The following BAZ1B variants were observed in gnomAD, a reference collection of about 807,000 sequenced individuals.
BAZ1B encodes the protein tyrosine-protein kinase BAZ1B.
BAZ1B carries 22 observed loss-of-function variants against 153.8 expected under a neutral mutation model. That is an observed-to-expected ratio of 0.14 (90% CI 0.10 to 0.20). The LOEUF (loss-of-function observed/expected upper bound fraction) is 0.20. Ranked by LOEUF, BAZ1B falls within the 10% of genes least tolerant of loss-of-function variation. The pLI is 1.00. For missense variants in BAZ1B, 1,325 were observed against 1,799.3 expected (o/e 0.74, Z 4.77); for synonymous variants, 676 against 633.4 (o/e 1.07, Z -1.01).
intron 5 of BAZ1B, among the ~76,000 whole-genome samples, chr7:73,491,740 A>C (rs962788523): frequency 6.6e-6 from 1 of 152,194 alleles, no homozygotes; most frequent in African/African-American, 2.4e-5. Flanking sequence ...ATAAAGAAGC[A>C]AAAGATTTGG....
chr7:73,452,342 G>C (rs148310059), intron 13 of BAZ1B, among the ~76,000 whole-genome samples: 25 of 152,118 alleles, frequency 1.6e-4, no homozygotes, highest in Non-Finnish European at 2.8e-4. Context: ...TCAGCTGACA[G>C]TTACCTGGGC....
intron 13 of BAZ1B, among the ~76,000 whole-genome samples, chr7:73,456,569 A>G (rs1554569555): frequency 6.6e-6 from 1 of 152,254 alleles, no homozygotes; most frequent in African/African-American, 2.4e-5. Context: ...ATAAATCATT[A>G]GAGAAAAACA....
chr7:73,488,750 A>C (rs1321746540), intron 6 of BAZ1B, among the ~76,000 whole-genome samples: 2 of 151,564 alleles, frequency 1.3e-5, no homozygotes, highest in Non-Finnish European at 2.9e-5. Flanking sequence ...CTTACTCTTC[A>C]AGAGGAAAAT....
intron 13 of BAZ1B, among the ~76,000 whole-genome samples, chr7:73,454,163 T>TAAATAAAA (rs1453218336): frequency 1.3e-5 from 2 of 150,882 alleles, no homozygotes; most frequent in Admixed American, 6.6e-5. Flanking sequence ...AATAAATAAA[T>TAAATAAAA]AAAAATTTAA....
rs781951390 is a variant in BAZ1B at position 73,489,232 on chromosome 7, G to A, written c.853C>T (p.Pro285Ser). 4 of 1,614,158 alleles carry A rather than the reference G, an allele frequency of 2.5e-6. No individual in the cohort carries two copies. The highest frequency in any genetic ancestry group is 2.2e-5 in the East Asian group (1 of 44,888). ...EDELVKKYSL[P>S]SKFSDFLLDP... ...AGTAAAAAGTCACTGAACTTGCTGG[G>A]CAGAGAGTATTTCTTCACCAATTCA... Residue 285 changes from proline (P) to serine (S), a missense_variant, in exon 6 of 20, where the codon CCC becomes TCC. Pro to Ser is a moderately conservative substitution (Grantham distance 74). Coordinates refer to ENST00000339594, the MANE Select transcript of BAZ1B (RefSeq NM_032408.4).
intron 4 of BAZ1B, among the ~76,000 whole-genome samples, chr7:73,495,845 CAT>C (rs1789857394): frequency 6.6e-6 from 1 of 152,118 alleles, no homozygotes; most frequent in African/African-American, 2.4e-5. Flanking sequence ...CACATGGACA[CAT>C]AGAGGGGAAC....
chr7:73,479,852 G>A (rs1554573449), intron 6 of BAZ1B, among the ~76,000 whole-genome samples: 1 of 151,970 alleles, frequency 6.6e-6, no homozygotes, highest in African/African-American at 2.4e-5. Flanking sequence ...GCTGAAACAC[G>A]GCTAAAATAA....
rs141412243 is a variant in BAZ1B, at chr7:73,459,542, T to G, written c.3426A>C (p.Glu1142Asp). Reference protein sequence around the residue: ...EVDEEKKMVEEAKVASALEKW... With the variant: ...EVDEEKKMVEDAKVASALEKW... ...ACTTATAACAACAAAATACCTTTGC[T>G]TCCTCTACCATTTTCTTCTCTTCAT... The change falls in exon 13 of 20, where the codon GAA becomes GAC. Residue 1142 changes from glutamate to aspartate, a missense_variant. Transcript: ENST00000339594. 8 of 1,611,568 alleles carry G rather than the reference T, an allele frequency of 5.0e-6. No homozygotes were observed. The highest frequency in any genetic ancestry group is 6.8e-6 in the Non-Finnish European group (8 of 1,179,424).
At chr7:73,515,315 C>CTACA (rs1288293382) in intron 1 of BAZ1B, among the ~76,000 whole-genome samples, 1 of 152,128 alleles carries the variant, frequency 6.6e-6, no homozygotes, top group African/African-American at 2.4e-5. Flanking sequence ...TGTGGCTTGT[C>CTACA]TACAAGGTCC....
Position 73,442,261 on chromosome 7 carries a change from C to T in BAZ1B, c.4387G>A (p.Glu1463Lys), listed in dbSNP as rs1554565204. 1.9e-6 allele frequency: 3 copies of T among 1,613,604 alleles called. No homozygotes were observed. Among genetic ancestry groups the T allele is most frequent in the Non-Finnish European group, 2.5e-6 (3 of 1,179,998 alleles). ...KRKKFPDRLAEDEGDSEPEAV... is the reference protein window; with the variant it reads ...KRKKFPDRLAKDEGDSEPEAV... ...TCTGGCTCACTGTCCCCTTCATCTT[C>T]AGCAAGCCTATCAGGAAACTTCTTG... is the stretch of plus-strand genomic sequence containing the variant. Residue 1463 changes from glutamate (E) to lysine (K), a missense_variant, in exon 19 of 20, where the codon GAA becomes AAA. Coordinates refer to ENST00000339594, the MANE Select transcript of BAZ1B (RefSeq NM_032408.4).
intron 7 of BAZ1B, among the ~76,000 whole-genome samples, chr7:73,476,434 T>C (rs1202850161): frequency 6.6e-6 from 1 of 152,062 alleles, no homozygotes; most frequent in Non-Finnish European, 1.5e-5. Flanking sequence ...TGCTAGGGGC[T>C]TCAAATACCT....
intron 13 of BAZ1B, among the ~76,000 whole-genome samples, chr7:73,457,944 A>G (rs974051488): frequency 6.6e-6 from 1 of 152,196 alleles, no homozygotes; most frequent in Non-Finnish European, 1.5e-5. Context: ...TCCTTGTTCC[A>G]CACGTCTCAT....
Position 73,477,508 on chromosome 7 carries a change from A to G in BAZ1B, c.1953T>C (p.Leu651=), listed in dbSNP as rs1159081528. 2.5e-6 allele frequency: 4 copies of G among 1,614,074 alleles called. No individual in the cohort carries two copies. The African/African-American group carries it at 4.0e-5, about 16-fold the overall frequency. ...LSADKGGFLY[L]NRVLVILLQT... ...GTAAGAGGATGACCAACACCCTGTT[A>G]AGGTATAAAAAGCCACCCTTATCTG... is the stretch of plus-strand genomic sequence containing the variant. Residue 651 remains leucine, a synonymous_variant, in exon 7 of 20, where the codon CTT becomes CTC. Coordinates refer to ENST00000339594, the MANE Select transcript of BAZ1B (RefSeq NM_032408.4). The surrounding 1 kb of genome is among the most constrained non-coding windows in gnomAD (Gnocchi z 5.6).
chr7:73,509,923 T>C (rs1790508481), intron 2 of BAZ1B, among the ~76,000 whole-genome samples: 1 of 147,270 alleles, frequency 6.8e-6, no homozygotes, highest in Admixed American at 6.8e-5. Context: ...GGTCAGGAGT[T>C]CGAGACCAGC....
At chr7:73,511,614 T>TA (rs1297358729) in intron 1 of BAZ1B, among the ~76,000 whole-genome samples, 1 of 152,048 alleles carries the variant, frequency 6.6e-6, no homozygotes, top group Non-Finnish European at 1.5e-5. Flanking sequence ...ACACAAGACT[T>TA]ACGCTGTACC....
chr7:73,512,917 T>A (rs1469580812), intron 1 of BAZ1B, among the ~76,000 whole-genome samples: 2 of 152,194 alleles, frequency 1.3e-5, no homozygotes, highest in African/African-American at 4.8e-5. Flanking sequence ...TAGCTGGGAT[T>A]ACAGACTTAC....
Position 73,492,853 on chromosome 7 carries a change from G to C in BAZ1B, c.640C>G (p.Pro214Ala). The change falls in exon 5 of 20, where the codon CCT becomes GCT. Residue 214 changes from proline (P) to alanine (A), a missense_variant. Physicochemically the swap from Pro to Ala is conservative, Grantham distance 27. Around this residue, in one of 9 missense-constraint regions of BAZ1B, gnomAD observed 153 missense variants for 204.8 expected, o/e 0.75. Transcript: ENST00000339594. Reference protein sequence around the residue: ...SLKKGERKWAPPKFLPHKYDV... With the variant: ...SLKKGERKWAAPKFLPHKYDV... Reference sequence around the variant, plus strand: ...TATTTGTGAGGCAGAAATTTTGGAGGAGCCCATTTCCTTTCTCCTTTTTTT... The same window carrying C: ...TATTTGTGAGGCAGAAATTTTGGAGCAGCCCATTTCCTTTCTCCTTTTTTT... 1 of 1,610,222 alleles carries C rather than the reference G, an allele frequency of 6.2e-7. No individual in the cohort carries two copies. The highest frequency in any genetic ancestry group is 8.5e-7 in the Non-Finnish European group (1 of 1,178,746).
chr7:73,508,520 G>A lies in BAZ1B; in HGVS notation c.225-49C>T, dbSNP rs782725692. The A allele has an allele frequency of 2.0e-6, 3 of 1,537,352 alleles. No homozygotes were observed. In the South Asian group the frequency reaches 3.7e-5, roughly 19 times the overall value. On this transcript the variant is annotated intron_variant, in intron 2 of 19. Coordinates refer to ENST00000339594, the MANE Select transcript of BAZ1B (RefSeq NM_032408.4). Reference sequence around the variant, plus strand: ...AAGAAAACACAGAAACACCTACCCAGAGATTTAATTCAAGTCAATTCAAAC... The same window carrying A: ...AAGAAAACACAGAAACACCTACCCAAAGATTTAATTCAAGTCAATTCAAAC...
rs782722988 is a variant in BAZ1B, at chr7:73,444,061, G to T, written c.3913C>A (p.Pro1305Thr). 5 of 1,613,590 alleles carry T rather than the reference G, an allele frequency of 3.1e-6. No individual in the cohort carries two copies. The highest frequency in any genetic ancestry group is 4.2e-6 in the Non-Finnish European group (5 of 1,179,830). Residue 1305 changes from proline to threonine, a missense_variant, in exon 17 of 20, where the codon CCG (proline) becomes ACG (threonine). Physicochemically the swap from Pro to Thr is conservative, Grantham distance 38. Around this residue, in one of 9 missense-constraint regions of BAZ1B, gnomAD observed 271 missense variants for 337.2 expected, o/e 0.80. Coordinates refer to ENST00000339594, the MANE Select transcript of BAZ1B (RefSeq NM_032408.4). ...IPPAARSGRR[P>T]GKKPHSTRRS... The stretch of plus-strand genomic sequence containing the variant: ...CTGGTAGAGTGTGGCTTCTTACCCG[G>T]GCGCCGGCCTGACCTTGCTGCAGGG...
Sources: gnomAD v4.1 joint callset for allele counts (sites outside exome capture counted in the v4.1 genomes callset) on GRCh38, gnomAD v4.1.1 for gene constraint, gnomAD v4.1.1 regional missense constraint, Gnocchi (gnomAD v3.1) non-coding constraint, MANE v1.5 for transcripts, NCBI Gene and HGNC (gene_info 2026-07-23, HGNC 2026-07-21) for gene names.